The following TSHZ2 variants were observed in gnomAD, a reference collection of about 807,000 sequenced individuals.
The protein encoded by TSHZ2 is teashirt homolog 2.
TSHZ2 carries 21 observed loss-of-function variants against 74.4 expected under a neutral mutation model. The ratio of observed to expected loss-of-function variants is 0.28; its 90% CI spans 0.20 to 0.41. The LOEUF is 0.41. Among genes scored for constraint, TSHZ2 ranks in the 10% least tolerant of loss-of-function variants. The pLI, the probability that TSHZ2 is intolerant of heterozygous loss-of-function variation, is 1.00. For missense variants in TSHZ2, 1,244 were observed against 1,293.5 expected, an observed-to-expected ratio of 0.96 and a Z score of 0.59; for synonymous variants, 540 against 515.3, an observed-to-expected ratio of 1.05 and a Z score of -0.65.
At chr20:53,250,394 G>A (rs1295135850) in intron 1 of TSHZ2, among the ~76,000 whole-genome samples, 1 of 152,102 alleles carries the variant, frequency 6.6e-6, no homozygotes, top group African/African-American at 2.4e-5. Context: ...CCCCTGTTCT[G>A]GCTGCCTTTC....
chr20:53,362,597 A>G lies in TSHZ2; in HGVS notation c.*8+106026A>G, dbSNP rs1227979406. On this transcript the variant is annotated intron_variant, in intron 2 of 2. Coordinates refer to ENST00000371497, the MANE Select transcript of TSHZ2 (RefSeq NM_173485.6). ...AACTTGTTCAGCATATCAAAAACTCATGTCATGAAGGCAATATTATGAGAG... is the reference window on the plus strand; with the variant it reads ...AACTTGTTCAGCATATCAAAAACTCGTGTCATGAAGGCAATATTATGAGAG... Among the ~76,000 whole-genome samples, 4 of 152,330 alleles carry G rather than the reference A, an allele frequency of 2.6e-5. No homozygotes were observed. In the East Asian group the frequency reaches 7.7e-4, roughly 29 times the overall value.
intron 1 of TSHZ2, among the ~76,000 whole-genome samples, chr20:53,218,552 A>G (rs2426463): frequency 0.77 from 117,424 of 152,228 alleles, 46,174 homozygotes; most frequent in African/African-American, 0.93. Flanking sequence ...CTATATTCGC[A>G]GATGACGAGA....
chr20:53,404,467 G>A (rs1231339481), intron 2 of TSHZ2, among the ~76,000 whole-genome samples: 3 of 152,128 alleles, frequency 2.0e-5, no homozygotes, highest in Non-Finnish European at 4.4e-5. Context: ...AAATTCAAGT[G>A]CAAGTACTAA....
chr20:53,261,224 A>C (rs1656996835), intron 2 of TSHZ2, among the ~76,000 whole-genome samples: 1 of 152,220 alleles, frequency 6.6e-6, no homozygotes, highest in Admixed American at 6.5e-5. Context: ...AAGAGCTGAG[A>C]GGAGAAAGGA....
chr20:53,273,222 C>T (rs138265640), intron 2 of TSHZ2, among the ~76,000 whole-genome samples: 12 of 152,288 alleles, frequency 7.9e-5, no homozygotes, highest in Admixed American at 2.6e-4. Flanking sequence ...AATAAAAGAA[C>T]GTTGGATTTG....
At chr20:53,249,654 TCA>T (rs971984175) in intron 1 of TSHZ2, among the ~76,000 whole-genome samples, 9 of 152,088 alleles carry the variant, frequency 5.9e-5, no homozygotes, top group African/African-American at 2.2e-4. Flanking sequence ...GCAGAAAGCC[TCA>T]GTCAGGAGAA....
At chr20:53,332,176 G>A (rs994664085) in intron 2 of TSHZ2, among the ~76,000 whole-genome samples, 7 of 152,084 alleles carry the variant, frequency 4.6e-5, no homozygotes, top group Admixed American at 2.0e-4. Flanking sequence ...TCACCCTGCC[G>A]AAGCCTGAAG....
intron 1 of TSHZ2, among the ~76,000 whole-genome samples, chr20:53,082,981 G>A (rs753535981): frequency 6.6e-6 from 1 of 152,212 alleles, no homozygotes; most frequent in Admixed American, 6.5e-5. Context: ...CTTAGTGGTG[G>A]TAACTCAGAA....
At chr20:52,994,865 C>CA (rs1982123627) in intron 1 of TSHZ2, among the ~76,000 whole-genome samples, 1 of 152,138 alleles carries the variant, frequency 6.6e-6, no homozygotes, top group African/African-American at 2.4e-5. Flanking sequence ...TCCGAGAGTC[C>CA]ACCACATGCC....
chr20:53,404,529 G>A lies in TSHZ2; in HGVS notation c.*9-82615G>A, dbSNP rs139748920. Among the ~76,000 whole-genome samples the A allele has an allele frequency of 4.6e-5, 7 of 152,246 alleles. No homozygotes were observed. In the South Asian group the frequency reaches 8.3e-4, roughly 18 times the overall value. ...AAAAATATTATCAGTTAATGAAAGC[G>A]TTGGGTTTCTCCTACTCTCTGGTTT... On this transcript the variant is annotated intron_variant, in intron 2 of 2. Coordinates refer to ENST00000371497, the MANE Select transcript of TSHZ2 (RefSeq NM_173485.6).
chr20:53,381,445 T>C (rs369556439), intron 2 of TSHZ2, among the ~76,000 whole-genome samples: 4 of 152,358 alleles, frequency 2.6e-5, no homozygotes, highest in Non-Finnish European at 2.9e-5. Context: ...GACTGCCTCC[T>C]CATGCCATGC....
Position 53,475,194 on chromosome 20 carries a change from A to C in TSHZ2, c.*9-11950A>C, listed in dbSNP as rs1985956125. Among the ~76,000 whole-genome samples the C allele has an allele frequency of 2.9e-5, 4 of 139,004 alleles. 1 individual carries two copies. The highest frequency in any genetic ancestry group is 1.4e-4 in the Admixed American group (2 of 13,894). 91.2% of individuals were successfully genotyped at this position (139,004 alleles called of 152,430 possible). On this transcript the variant is annotated intron_variant, in intron 2 of 2. Coordinates refer to ENST00000371497, the MANE Select transcript of TSHZ2 (RefSeq NM_173485.6). ...CTACATAACTCTCCACCCCAAATCA[A>C]CAGAATATACATTTTTTTCAGCACC...
chr20:53,070,850 G>A (rs1282126177), intron 1 of TSHZ2, among the ~76,000 whole-genome samples: 1 of 152,178 alleles, frequency 6.6e-6, no homozygotes, highest in Non-Finnish European at 1.5e-5. Flanking sequence ...TGACATGTGG[G>A]CGTGTTCTTC....
At chr20:53,323,289 G>A (rs6022390) in intron 2 of TSHZ2, among the ~76,000 whole-genome samples, 117 of 152,280 alleles carry the variant, frequency 7.7e-4, no homozygotes, top group African/African-American at 2.5e-3. Context: ...ACAGTACTCC[G>A]GGTGACTCTT....
At chr20:53,128,080 T>A (rs1041775014) in intron 1 of TSHZ2, among the ~76,000 whole-genome samples, 1 of 152,148 alleles carries the variant, frequency 6.6e-6, no homozygotes, top group African/African-American at 2.4e-5. Context: ...AGATAGTAGA[T>A]TTCATCTTGA....
At chr20:53,165,018 G>A (rs532514829) in intron 1 of TSHZ2, among the ~76,000 whole-genome samples, 46 of 152,270 alleles carry the variant, frequency 3.0e-4, no homozygotes, top group African/African-American at 1.1e-3. Flanking sequence ...TCCCTGCCTA[G>A]TGGTCTTGCA....
At chr20:53,315,095 G>A (rs973323035) in intron 2 of TSHZ2, among the ~76,000 whole-genome samples, 2 of 152,224 alleles carry the variant, frequency 1.3e-5, no homozygotes, top group African/African-American at 4.8e-5. Context: ...ACTTCTTGAT[G>A]GGTGCAGTTC....
intron 1 of TSHZ2, among the ~76,000 whole-genome samples, chr20:53,193,201 C>A (rs1276537162): frequency 6.6e-6 from 1 of 151,550 alleles, no homozygotes; most frequent in African/African-American, 2.4e-5. Context: ...AAAAAAAACA[C>A]CACCTCTGGT....
intron 2 of TSHZ2, among the ~76,000 whole-genome samples, chr20:53,288,734 G>A (rs1991221048): frequency 6.6e-6 from 1 of 152,204 alleles, no homozygotes; most frequent in Non-Finnish European, 1.5e-5. Context: ...TAATATGCCT[G>A]ATGCTAATAA....
Sources: allele counts gnomAD v4.1 joint callset (sites outside exome capture counted in the v4.1 genomes callset), GRCh38; gene constraint gnomAD v4.1.1; transcripts MANE v1.5; gene names NCBI Gene and HGNC (gene_info 2026-07-23, HGNC 2026-07-21).